PDE4D: variants seen among roughly 807,000 people sequenced by gnomAD.
The protein encoded by PDE4D is 3',5'-cyclic-AMP phosphodiesterase 4D.
PDE4D carries 24 observed loss-of-function variants against 87.4 expected under a neutral mutation model. The observed-to-expected ratio is 0.27, with a 90% CI of 0.20 to 0.39. PDE4D has a LOEUF of 0.39. PDE4D is among the 10% of genes least tolerant of loss of function. The pLI, the probability that PDE4D is intolerant of heterozygous loss-of-function variation, is 1.00. For missense variants in PDE4D, 714 were observed against 1,041.0 expected (o/e 0.69, Z 4.32); for synonymous variants, 384 against 383.2 (o/e 1.00, Z -0.02).
chr5:59,188,697 T>C (rs774291138), intron 3 of PDE4D, among the ~76,000 whole-genome samples: 1 of 152,160 alleles, frequency 6.6e-6, no homozygotes, highest in African/African-American at 2.4e-5. Context: ...TGGGAGAGAT[T>C]CATTACTTCG....
chr5:59,682,440 C>A (rs2099681896), intron 1 of PDE4D, among the ~76,000 whole-genome samples: 2 of 152,094 alleles, frequency 1.3e-5, no homozygotes, highest in African/African-American at 4.8e-5. Context: ...GACTATCATC[C>A]CCAGGAAACA....
At chr5:59,457,511 C>A (rs1166837089) in intron 1 of PDE4D, among the ~76,000 whole-genome samples, 9 of 152,160 alleles carry the variant, frequency 5.9e-5, no homozygotes, top group Admixed American at 4.6e-4. Flanking sequence ...ACCCAACCTA[C>A]CATATCTCTG....
intron 2 of PDE4D, among the ~76,000 whole-genome samples, chr5:60,090,497 G>T (rs1290979740): frequency 6.6e-6 from 1 of 152,006 alleles, no homozygotes; most frequent in Non-Finnish European, 1.5e-5. Context: ...GATAATAACT[G>T]TCAACAAACT....
intron 5 of PDE4D, among the ~76,000 whole-genome samples, chr5:59,060,023 G>A (rs1311976554): frequency 6.6e-6 from 1 of 152,146 alleles, no homozygotes; most frequent in Non-Finnish European, 1.5e-5. Flanking sequence ...TTTGGTGAAT[G>A]AGTTGGTAGT....
Position 58,974,473 on chromosome 5 carries a change from C to A in PDE4D, c.*191G>T. On this transcript the variant is annotated 3_prime_UTR_variant, in exon 15 of 15. Transcript: ENST00000340635. ...TGTTCGTGAAGATGTCCACCTTGCT[C>A]GGATGACATGGAGGTGAAAAAACTG... is the stretch of plus-strand genomic sequence containing the variant. 2.3e-6 allele frequency: 1 copy of A among 427,090 alleles called. No individual in the cohort carries two copies. Among genetic ancestry groups the A allele is most frequent in the South Asian group, 8.3e-5 (1 of 12,112 alleles). 26.5% of individuals were successfully genotyped at this position (427,090 alleles called of 1,614,324 possible).
intron 6 of PDE4D, among the ~76,000 whole-genome samples, chr5:59,015,517 G>GA (rs1305581610): frequency 1.1e-4 from 17 of 151,802 alleles, no homozygotes; most frequent in African/African-American, 3.9e-4. Context: ...ACAGACACGT[G>GA]AAAAAATGCT....
chr5:60,252,897 T>C (rs994379678), intron 1 of PDE4D, among the ~76,000 whole-genome samples: 3 of 151,830 alleles, frequency 2.0e-5, no homozygotes, highest in African/African-American at 7.2e-5. Flanking sequence ...ACACATAAAC[T>C]AGAGTGGAAT....
intron 1 of PDE4D, among the ~76,000 whole-genome samples, chr5:59,818,806 A>T (rs1270517733): frequency 6.6e-6 from 1 of 151,620 alleles, no homozygotes; most frequent in African/African-American, 2.4e-5. Context: ...GGTGCCAAAA[A>T]CTCTTATCAG....
chr5:60,438,942 C>T (rs789396), intron 1 of PDE4D, among the ~76,000 whole-genome samples: 37,333 of 151,930 alleles, frequency 0.25, 5,441 homozygotes, highest in East Asian at 0.58. Context: ...AATAATTCTA[C>T]CCTTAAGATT....
intron 1 of PDE4D, among the ~76,000 whole-genome samples, chr5:59,764,508 A>G (rs961734499): frequency 2.0e-5 from 3 of 152,234 alleles, no homozygotes; most frequent in Non-Finnish European, 4.4e-5. Context: ...TGAGTGACAT[A>G]GCACCTAGAG....
intron 1 of PDE4D, among the ~76,000 whole-genome samples, chr5:60,416,304 A>C (rs927502577): frequency 6.6e-6 from 1 of 152,236 alleles, no homozygotes; most frequent in Non-Finnish European, 1.5e-5. Context: ...AGGCTGCCTG[A>C]GCCACCAGTG....
chr5:59,803,537 G>C (rs1767396452), intron 1 of PDE4D, among the ~76,000 whole-genome samples: 1 of 152,118 alleles, frequency 6.6e-6, no homozygotes, highest in Admixed American at 6.5e-5. Context: ...GACCTCAAGT[G>C]ATCCGCCTGC....
At chr5:59,812,571 G>T (rs1389177275) in intron 1 of PDE4D, among the ~76,000 whole-genome samples, 1 of 152,088 alleles carries the variant, frequency 6.6e-6, no homozygotes, top group Non-Finnish European at 1.5e-5. Context: ...TACTTGGGAG[G>T]CTGAGGCAGG....
intron 2 of PDE4D, among the ~76,000 whole-genome samples, chr5:60,158,105 A>G (rs986382278): frequency 1.3e-5 from 2 of 152,186 alleles, no homozygotes; most frequent in Non-Finnish European, 2.9e-5. Flanking sequence ...TTGGTACCTA[A>G]TACATATTAA....
chr5:59,348,327 C>T (rs1779939700), intron 1 of PDE4D, among the ~76,000 whole-genome samples: 1 of 151,994 alleles, frequency 6.6e-6, no homozygotes, highest in South Asian at 2.1e-4. Context: ...GTATAGAGTA[C>T]TATGTCTATG....
intron 1 of PDE4D, chr5:59,430,439 TA>T: frequency 3.2e-6 from 4 of 1,230,806 alleles, no homozygotes; most frequent in Non-Finnish European, 4.1e-6. Flanking sequence ...AGGCAAGAAG[TA>T]AAAGCAAATC....
chr5:59,009,725 T>C (rs1752391110), intron 6 of PDE4D, among the ~76,000 whole-genome samples: 2 of 152,162 alleles, frequency 1.3e-5, no homozygotes, highest in Admixed American at 1.3e-4. Flanking sequence ...TGTACACATT[T>C]GTGAAAATGC....
intron 1 of PDE4D, among the ~76,000 whole-genome samples, chr5:59,400,745 T>TA (rs773818889): frequency 1.8e-5 from 1 of 55,334 alleles, no homozygotes; most frequent in South Asian, 6.0e-4. Context: ...ATAAAAAAAA[T>TA]AAAAAAATAA....
chr5:59,600,114 T>C (rs939774645), intron 1 of PDE4D, among the ~76,000 whole-genome samples: 2 of 152,196 alleles, frequency 1.3e-5, no homozygotes, highest in South Asian at 2.1e-4. Context: ...GTTCCATCCC[T>C]ACCAACTCTT....
Sources: gnomAD v4.1 joint callset for allele counts (sites outside exome capture counted in the v4.1 genomes callset) on GRCh38, gnomAD v4.1.1 for gene constraint, MANE v1.5 for transcripts, NCBI Gene and HGNC (gene_info 2026-07-23, HGNC 2026-07-21) for gene names.